Variants in ZCCHC7 observed in about 807,000 individuals in gnomAD.
ZCCHC7 encodes zinc finger CCHC domain-containing protein 7.
Under a neutral mutation model 52.0 loss-of-function variants are expected in ZCCHC7, and 35 were observed. That is an observed-to-expected ratio of 0.67 (90% CI 0.51 to 0.89). The LOEUF is 0.89. ZCCHC7 is among the 40% of genes least tolerant of loss of function. The pLI, the probability that ZCCHC7 is intolerant of heterozygous loss-of-function variation, is 0.00. For missense variants in ZCCHC7, 574 were observed against 649.1 expected, an observed-to-expected ratio of 0.88 and a Z score of 1.26; for synonymous variants, 217 against 221.5, an observed-to-expected ratio of 0.98 and a Z score of 0.18.
At position 37,132,370 on chromosome 9, in the gene ZCCHC7, A is replaced by G. The variant is rs567740081; in HGVS notation, c.610+5428A>G. Among the ~76,000 whole-genome samples, 11 of 152,342 alleles carry G rather than the reference A, an allele frequency of 7.2e-5. No homozygotes were observed. The South Asian group carries it at 2.3e-3, about 32-fold the overall frequency. On this transcript the variant is annotated intron_variant, in intron 2 of 8. Coordinates refer to ENST00000336755, the MANE Select transcript of ZCCHC7 (RefSeq NM_032226.3). ...TGTACTTTTTTTATTGTGGAAATAT[A>G]AAAATATACAAAAATAAAATGTTAT...
chr9:37,311,653 G>A (rs1829606651), intron 5 of ZCCHC7, among the ~76,000 whole-genome samples: 2 of 152,152 alleles, frequency 1.3e-5, no homozygotes, highest in African/African-American at 4.8e-5. Context: ...CAGGTGATCT[G>A]CCCGCCTTGG....
At chr9:37,329,179 T>C (rs1830359846) in intron 6 of ZCCHC7, among the ~76,000 whole-genome samples, 1 of 151,744 alleles carries the variant, frequency 6.6e-6, no homozygotes, top group African/African-American at 2.4e-5. Flanking sequence ...TTGCATTTAT[T>C]TTAGCTTTTC....
chr9:37,126,226 T>G (rs1842531198), intron 1 of ZCCHC7, 86 bp from the exon 2 acceptor site: 1 of 1,259,732 alleles, frequency 7.9e-7, no homozygotes, highest in Admixed American at 2.3e-5. Context: ...ATATTAGCAG[T>G]TGTCACTGAC....
At chr9:37,188,037 A>G (rs544160620) in intron 2 of ZCCHC7, among the ~76,000 whole-genome samples, 1 of 152,172 alleles carries the variant, frequency 6.6e-6, no homozygotes, top group Non-Finnish European at 1.5e-5. Flanking sequence ...TATTTACTCA[A>G]ATGCTTTTTC....
intron 2 of ZCCHC7, among the ~76,000 whole-genome samples, chr9:37,272,658 C>T (rs1827483224): frequency 6.6e-6 from 1 of 151,838 alleles, no homozygotes; most frequent in East Asian, 1.9e-4. Flanking sequence ...TATTTTTTCT[C>T]TTCTCTTAAC....
upstream of ZCCHC7, among the ~76,000 whole-genome samples, chr9:37,120,184 A>G (rs779194057): frequency 6.6e-5 from 10 of 151,872 alleles, no homozygotes; most frequent in African/African-American, 2.2e-4. Context: ...ACCGAGCGCC[A>G]GGGAGAAGGA....
At chr9:37,143,474 T>G (rs975609402) in intron 2 of ZCCHC7, among the ~76,000 whole-genome samples, 2 of 151,614 alleles carry the variant, frequency 1.3e-5, no homozygotes, top group Non-Finnish European at 3.0e-5. Flanking sequence ...GCTGATTGCC[T>G]TTATGTCTCG....
At chr9:37,288,408 T>C (rs1386470617) in intron 2 of ZCCHC7, among the ~76,000 whole-genome samples, 3 of 150,758 alleles carry the variant, frequency 2.0e-5, no homozygotes, top group Non-Finnish European at 4.4e-5. Flanking sequence ...TTGTTATCCA[T>C]CTAATATACA....
At chr9:37,197,340 G>T (rs1823343442) in intron 2 of ZCCHC7, among the ~76,000 whole-genome samples, 1 of 152,120 alleles carries the variant, frequency 6.6e-6, no homozygotes. Flanking sequence ...GCTAAGGAGG[G>T]AATAATATAA....
chr9:37,184,361 A>G (rs1822533066), intron 2 of ZCCHC7, among the ~76,000 whole-genome samples: 1 of 150,414 alleles, frequency 6.6e-6, no homozygotes, highest in Admixed American at 6.7e-5. Context: ...CCTTAGTGGC[A>G]GTTTTCTAGA....
At chr9:37,194,316 A>G (rs1823172711) in intron 2 of ZCCHC7, among the ~76,000 whole-genome samples, 2 of 152,230 alleles carry the variant, frequency 1.3e-5, no homozygotes, top group African/African-American at 2.4e-5. Context: ...AAGAGACTTT[A>G]GAGCTTACTT....
chr9:37,241,918 T>C (rs1372086778), intron 2 of ZCCHC7, among the ~76,000 whole-genome samples: 1 of 151,796 alleles, frequency 6.6e-6, no homozygotes, highest in Non-Finnish European at 1.5e-5. Context: ...CTCATCAGCT[T>C]AGGATCATTC....
At chr9:37,275,788 A>G (rs1827657784) in intron 2 of ZCCHC7, among the ~76,000 whole-genome samples, 1 of 151,992 alleles carries the variant, frequency 6.6e-6, no homozygotes, top group African/African-American at 2.4e-5. Flanking sequence ...GATTACAGGC[A>G]CCCACCACCA....
chr9:37,283,261 C>T (rs1171095592), intron 2 of ZCCHC7, among the ~76,000 whole-genome samples: 2 of 152,080 alleles, frequency 1.3e-5, no homozygotes, highest in Non-Finnish European at 2.9e-5. Context: ...GTCTATCCAG[C>T]ACATCCTAAA....
intron 2 of ZCCHC7, among the ~76,000 whole-genome samples, chr9:37,202,705 C>G (rs1319039793): frequency 6.6e-6 from 1 of 152,214 alleles, no homozygotes; most frequent in African/African-American, 2.4e-5. Flanking sequence ...TGATCTTGAA[C>G]TCCTGGACTC....
chr9:37,280,231 A>G (rs1827888796), intron 2 of ZCCHC7, among the ~76,000 whole-genome samples: 1 of 152,182 alleles, frequency 6.6e-6, no homozygotes, highest in Admixed American at 6.5e-5. Context: ...TAAAAACAAA[A>G]TTTGACGGGA....
At chr9:37,314,711 A>C (rs1315614941) in intron 5 of ZCCHC7, among the ~76,000 whole-genome samples, 1 of 151,420 alleles carries the variant, frequency 6.6e-6, no homozygotes, top group Non-Finnish European at 1.5e-5. Flanking sequence ...AAGGAGTTCA[A>C]GTCCAACCTG....
chr9:37,127,082 ACT>A, intron 2 of ZCCHC7, 140 bp downstream of exon 2: 3 of 1,001,404 alleles, frequency 3.0e-6, no homozygotes, highest in South Asian at 1.6e-5. Flanking sequence ...TTCTCATGCG[ACT>A]CTCTTACCAG....
At chr9:37,317,156 C>A (rs1458193165) in intron 5 of ZCCHC7, among the ~76,000 whole-genome samples, 1 of 152,072 alleles carries the variant, frequency 6.6e-6, no homozygotes, top group African/African-American at 2.4e-5. Flanking sequence ...GAATGTCAAA[C>A]AAAAATTATA....
Sources: gnomAD v4.1 joint callset for allele counts (sites outside exome capture counted in the v4.1 genomes callset) on GRCh38, gnomAD v4.1.1 for gene constraint, MANE v1.5 for transcripts, NCBI Gene and HGNC (gene_info 2026-07-23, HGNC 2026-07-21) for gene names.